Variants in ANK3 observed in about 807,000 individuals in gnomAD.
ANK3 encodes ankyrin-3.
A neutral mutation model predicts 370.9 loss-of-function variants in ANK3; 57 were observed. The observed-to-expected ratio is 0.15, with a 90% CI of 0.12 to 0.19. ANK3 has a LOEUF of 0.19. ANK3 is among the 10% of genes least tolerant of loss of function. ANK3 has a pLI of 1.00. For missense variants in ANK3, 4,439 were observed against 5,302.1 expected (o/e 0.84, Z 5.06); for synonymous variants, 1,929 against 1,946.3 (o/e 0.99, Z 0.23).
At chr10:60,624,776 T>C (rs1294519518) in intron 1 of ANK3, among the ~76,000 whole-genome samples, 2 of 150,790 alleles carry the variant, frequency 1.3e-5, no homozygotes, top group East Asian at 1.9e-4. Context: ...GCTAGAACTT[T>C]ATAGAAAACA....
intron 1 of ANK3, among the ~76,000 whole-genome samples, chr10:60,649,658 C>T (rs941296302): frequency 1.3e-5 from 2 of 152,140 alleles, no homozygotes; most frequent in African/African-American, 4.8e-5. Flanking sequence ...TCTACTGAGC[C>T]CTAGGAGGCC....
intron 2 of ANK3, among the ~76,000 whole-genome samples, chr10:60,582,217 C>G (rs1004563624): frequency 6.6e-6 from 1 of 151,862 alleles, no homozygotes; most frequent in Non-Finnish European, 1.5e-5. Flanking sequence ...ACATGTATAC[C>G]TATGTAACAA....
At chr10:60,715,871 C>CA (rs11376909) in intron 1 of ANK3, among the ~76,000 whole-genome samples, 152,256 of 152,258 alleles carry the variant, frequency 1, 76,127 homozygotes, top group Non-Finnish European at 1. Context: ...CCATGCTGAC[C>CA]AATCAGCTTG....
At chr10:60,719,256 TTA>T (rs1474434243) in intron 1 of ANK3, among the ~76,000 whole-genome samples, 4 of 152,160 alleles carry the variant, frequency 2.6e-5, no homozygotes, top group African/African-American at 9.6e-5. Context: ...AAAGGTAAAT[TTA>T]GTTTGTTTCT....
chr10:60,374,075 C>T (rs779612857), intron 1 of ANK3, among the ~76,000 whole-genome samples: 52 of 152,024 alleles, frequency 3.4e-4, no homozygotes, highest in Non-Finnish European at 5.6e-4. Flanking sequence ...TGCCCAAGTG[C>T]TCCTTGTATG....
At chr10:60,144,262 C>A (rs931452820) in intron 23 of ANK3, 6 of 415,426 alleles carry the variant, frequency 1.4e-5, no homozygotes, top group African/African-American at 1.3e-4. Flanking sequence ...CAAAGGTAAA[C>A]CAAAGAGGTC....
intron 42 of ANK3, chr10:60,043,144 G>A (rs760750041): frequency 1.5e-4 from 153 of 994,840 alleles, no homozygotes; most frequent in Admixed American, 2.4e-4. Context: ...CTAATCCATG[G>A]AAATGCTGTT....
At chr10:60,338,941 C>T (rs56156031) in intron 1 of ANK3, among the ~76,000 whole-genome samples, 28,784 of 151,538 alleles carry the variant, frequency 0.19, 3,182 homozygotes, top group South Asian at 0.3. Context: ...AAATAGGAGC[C>T]GTATTTGGGT....
chr10:60,552,255 GTCT>G (rs1468767566), intron 2 of ANK3, among the ~76,000 whole-genome samples: 1 of 152,178 alleles, frequency 6.6e-6, no homozygotes, highest in Non-Finnish European at 1.5e-5. Context: ...AGAAATAGGA[GTCT>G]TCATGTATCT....
intron 2 of ANK3, among the ~76,000 whole-genome samples, chr10:60,439,363 A>G (rs1165303922): frequency 6.6e-6 from 1 of 152,176 alleles, no homozygotes; most frequent in African/African-American, 2.4e-5. Flanking sequence ...GTTATTTCAA[A>G]TAACACATAA....
rs533037898 is a variant in ANK3, at chr10:60,663,302, T to A, written c.58-48078A>T. Among the ~76,000 whole-genome samples, 9 of 152,294 alleles carry A rather than the reference T, an allele frequency of 5.9e-5. No individual in the cohort carries two copies. In the East Asian group the frequency reaches 1.7e-3, roughly 29 times the overall value. ...TCATAGGGAGAAGGCAGAGGCAGAT[T>A]CCACTGAGAAGGCTCCTTGTTGAAG... On this transcript the variant is annotated intron_variant, in intron 1 of 43. Coordinates refer to the ANK3 transcript ENST00000373827.
At chr10:60,250,974 T>G (rs2097654292) in intron 7 of ANK3, among the ~76,000 whole-genome samples, 1 of 152,198 alleles carries the variant, frequency 6.6e-6, no homozygotes, top group Non-Finnish European at 1.5e-5. Context: ...GTTACAATAT[T>G]ATGAACTACA....
chr10:60,693,620 G>A (rs539689622), intron 1 of ANK3, among the ~76,000 whole-genome samples: 1 of 152,192 alleles, frequency 6.6e-6, no homozygotes, highest in Non-Finnish European at 1.5e-5. Context: ...TAACTGGGAG[G>A]CACCCCCCAG....
chr10:60,029,887 T>TC (rs2072962209), intron 43 of ANK3, 61 bp from the exon 44 acceptor site: 2 of 136,310 alleles, frequency 1.5e-5, no homozygotes, highest in Admixed American at 1.4e-4. Context: ...TTTTTTTTTT[T>TC]TTTTTTTTTT....
At chr10:60,103,144 G>T (rs1397325840) in intron 28 of ANK3, among the ~76,000 whole-genome samples, 1 of 151,984 alleles carries the variant, frequency 6.6e-6, no homozygotes, top group Non-Finnish European at 1.5e-5. Context: ...AGAGACGGGG[G>T]TTTCACCATG....
intron 1 of ANK3, among the ~76,000 whole-genome samples, chr10:60,336,687 A>G (rs1433905873): frequency 6.6e-6 from 1 of 152,234 alleles, no homozygotes; most frequent in Non-Finnish European, 1.5e-5. Flanking sequence ...TAAAAAAAGA[A>G]GTTAAATGTG....
chr10:60,354,843 T>C (rs1206521719), intron 1 of ANK3, among the ~76,000 whole-genome samples: 1 of 152,160 alleles, frequency 6.6e-6, no homozygotes, highest in Non-Finnish European at 1.5e-5. Context: ...TGCTTATGAA[T>C]TTTTAAATAT....
chr10:60,243,035 CA>C (rs1410345092), intron 7 of ANK3, among the ~76,000 whole-genome samples: 2 of 152,034 alleles, frequency 1.3e-5, no homozygotes, highest in Admixed American at 6.6e-5. Context: ...ACTATTTTTG[CA>C]TTTTTGGAGC....
At chr10:60,650,352 T>C (rs2078770007) in intron 1 of ANK3, among the ~76,000 whole-genome samples, 1 of 122,240 alleles carries the variant, frequency 8.2e-6, no homozygotes, top group African/African-American at 3.2e-5. Context: ...CACAAAGTAC[T>C]ATCTACTACT....
Sources: gnomAD v4.1 joint callset for allele counts (sites outside exome capture counted in the v4.1 genomes callset) on GRCh38, gnomAD v4.1.1 for gene constraint, MANE v1.5 for transcripts, NCBI Gene and HGNC (gene_info 2026-07-23, HGNC 2026-07-21) for gene names.